IFFO2: variants seen among roughly 807,000 people sequenced by gnomAD.
The protein encoded by IFFO2 is intermediate filament family orphan 2.
Under a neutral mutation model 53.5 loss-of-function variants are expected in IFFO2, and 19 were observed. The observed-to-expected ratio is 0.36, with a 90% CI of 0.25 to 0.52. IFFO2 has a LOEUF of 0.52. IFFO2 is among the 20% of genes least tolerant of loss of function. The pLI, the probability that IFFO2 is intolerant of heterozygous loss-of-function variation, is 0.94. For synonymous variants in IFFO2, 303 were observed against 313.6 expected, an observed-to-expected ratio of 0.97 and a Z score of 0.36; for missense variants, 570 against 727.4, an observed-to-expected ratio of 0.78 and a Z score of 2.49.
intron 1 of IFFO2, among the ~76,000 whole-genome samples, chr1:18,946,852 G>T (rs1936595003): frequency 6.6e-6 from 1 of 152,190 alleles, no homozygotes; most frequent in African/African-American, 2.4e-5. Context: ...TTAAATGTTT[G>T]CAAACCACTT....
At chr1:18,948,916 A>G (rs909568352) in intron 1 of IFFO2, among the ~76,000 whole-genome samples, 1 of 151,968 alleles carries the variant, frequency 6.6e-6, no homozygotes, top group Admixed American at 6.6e-5. Flanking sequence ...TTCTTCCACA[A>G]CCTCCGGACA....
At chr1:18,955,521 G>A in intron 1 of IFFO2, 147 bp downstream of exon 1, 1 of 1,245,494 alleles carries the variant, frequency 8.0e-7, no homozygotes, top group Non-Finnish European at 1.1e-6. Flanking sequence ...GGCCTTCCTG[G>A]CGTACGTAAG....
intron 8 of IFFO2, among the ~76,000 whole-genome samples, 170 bp downstream of exon 8, chr1:18,910,172 G>A (rs1936012748): frequency 1.3e-5 from 2 of 151,286 alleles, no homozygotes; most frequent in Non-Finnish European, 2.9e-5. Context: ...TGGCACATAG[G>A]TGTGCTAATA....
At position 18,916,883 on chromosome 1, in the gene IFFO2, C is replaced by G; in HGVS notation, c.1103+20G>C. On this transcript the variant is annotated intron_variant, in intron 5 of 8. Transcript: ENST00000455833. This position sits in a 1 kb window ranked among gnomAD's most constrained non-coding sequence, Gnocchi z 4.3. ...GCAATCCGGGGAAACGGAGAGTGTG[C>G]GGGCCACGGGGATACTCACAGCTGG... is the stretch of plus-strand genomic sequence containing the variant. The G allele has an allele frequency of 6.4e-7, 1 of 1,550,750 alleles. No homozygotes were observed. Among genetic ancestry groups the G allele is most frequent in the Non-Finnish European group, 8.7e-7 (1 of 1,146,418 alleles).
chr1:18,915,848 G>C (rs1282542412), intron 5 of IFFO2, among the ~76,000 whole-genome samples: 2 of 152,216 alleles, frequency 1.3e-5, no homozygotes, highest in Non-Finnish European at 2.9e-5. Context: ...CCACAGGCTA[G>C]GAACGGTAGC....
chr1:18,946,957 C>T (rs1358567660), intron 1 of IFFO2, among the ~76,000 whole-genome samples: 1 of 152,256 alleles, frequency 6.6e-6, no homozygotes, highest in African/African-American at 2.4e-5. Context: ...TCCGCAAGCA[C>T]TGTTGGAGAA....
chr1:18,951,820 T>A (rs946712613), intron 1 of IFFO2, among the ~76,000 whole-genome samples: 1 of 151,934 alleles, frequency 6.6e-6, no homozygotes, highest in East Asian at 1.9e-4. Flanking sequence ...GGGGCAGAGA[T>A]AGGAGAGGGA....
rs1936193200 is a variant in IFFO2, at chr1:18,919,876, C to T, written c.727-103G>A. On this transcript the variant is annotated intron_variant, in intron 2 of 8. Transcript: ENST00000455833. This position sits in a 1 kb window ranked among gnomAD's most constrained non-coding sequence, Gnocchi z 4.9. The stretch of plus-strand genomic sequence containing the variant: ...AGCCCTAGGCACCCGATGTCCACCC[C>T]AGCTGGGCACCTGCAGCCAGGGAAG... The T allele has an allele frequency of 6.8e-6, 5 of 735,940 alleles. No homozygotes were observed. The highest frequency in any genetic ancestry group is 1.1e-5 in the Non-Finnish European group (5 of 441,286). The allele number at this position is 735,940 out of a possible 1,614,324, so 45.6% of individuals were successfully genotyped here. A position where few individuals can be genotyped will look rare whatever the true frequency, so the allele number is the denominator to read the frequency against.
At position 18,918,887 on chromosome 1, in the gene IFFO2, C is replaced by T. The variant is rs1936174204; in HGVS notation, c.823-385G>A. Among the ~76,000 whole-genome samples, 1 of 152,166 alleles carries T rather than the reference C, an allele frequency of 6.6e-6. No homozygotes were observed. Among genetic ancestry groups the T allele is most frequent in the African/African-American group, 2.4e-5 (1 of 41,424 alleles). ...CTGTCCCCCACACAGGCAGCTCTCTCTCCTGGATGCCTCCCAAGGCCGGCA... is the reference window on the plus strand; with the variant it reads ...CTGTCCCCCACACAGGCAGCTCTCTTTCCTGGATGCCTCCCAAGGCCGGCA... On this transcript the variant is annotated intron_variant, in intron 3 of 8. Coordinates refer to ENST00000455833, the MANE Select transcript of IFFO2 (RefSeq NM_001136265.2). The surrounding 1 kb of genome is among the most constrained non-coding windows in gnomAD (Gnocchi z 5.2).
intron 1 of IFFO2, among the ~76,000 whole-genome samples, chr1:18,929,796 T>C (rs1332219304): frequency 1.3e-5 from 2 of 152,210 alleles, no homozygotes; most frequent in African/African-American, 4.8e-5. Context: ...CTGCCCCAGC[T>C]GGCTCCGTGA....
In IFFO2 at chr1:18,919,178, C is replaced by T. The variant is rs1233040695; in HGVS notation, c.822+500G>A. Among the ~76,000 whole-genome samples the T allele has an allele frequency of 6.6e-6, 1 of 152,168 alleles. No homozygotes were observed. The highest frequency in any genetic ancestry group is 1.5e-5 in the Non-Finnish European group (1 of 68,026). The stretch of plus-strand genomic sequence containing the variant: ...GAGCCCTTTGCTGCCAACAGCTCCC[C>T]CCACCCACAGATACTTAGAGGGGCC... On this transcript the variant is annotated intron_variant, in intron 3 of 8. Transcript: ENST00000455833. The surrounding 1 kb of genome is among the most constrained non-coding windows in gnomAD (Gnocchi z 4.9).
chr1:18,913,701 T>C (rs28671457), intron 5 of IFFO2, among the ~76,000 whole-genome samples: 18,904 of 152,194 alleles, frequency 0.12, 1,822 homozygotes, highest in East Asian at 0.36. Context: ...CTGGTGGAGA[T>C]GTCCATGGGA....
At chr1:18,939,652 A>T (rs1233123154) in intron 1 of IFFO2, among the ~76,000 whole-genome samples, 2 of 152,202 alleles carry the variant, frequency 1.3e-5, no homozygotes, top group Non-Finnish European at 2.9e-5. Context: ...ACAGTCTCTC[A>T]GGAAGTGGAG....
At chr1:18,954,308 C>T (rs992524213) in intron 1 of IFFO2, among the ~76,000 whole-genome samples, 9 of 152,236 alleles carry the variant, frequency 5.9e-5, no homozygotes, top group South Asian at 4.1e-4. Flanking sequence ...GCTGTCTCCT[C>T]GAGCAACTGT....
intron 2 of IFFO2, among the ~76,000 whole-genome samples, chr1:18,920,327 AT>A (rs752090891): frequency 1.3e-5 from 2 of 152,240 alleles, no homozygotes; most frequent in Non-Finnish European, 2.9e-5. Flanking sequence ...AAAGGGAGAT[AT>A]TCAACCTTTT....
intron 1 of IFFO2, among the ~76,000 whole-genome samples, chr1:18,945,166 T>C (rs550645208): frequency 6.6e-6 from 1 of 152,288 alleles, no homozygotes; most frequent in African/African-American, 2.4e-5. Context: ...GAAACCTTTC[T>C]TGACTGGCCC....
intron 1 of IFFO2, among the ~76,000 whole-genome samples, chr1:18,942,892 G>A (rs1936538342): frequency 1.4e-5 from 2 of 146,400 alleles, no homozygotes; most frequent in African/African-American, 2.5e-5. Flanking sequence ...AGGCTGGAGT[G>A]CAGTGGCAAG....
chr1:18,931,269 G>A (rs560598986), intron 1 of IFFO2, among the ~76,000 whole-genome samples: 17 of 152,272 alleles, frequency 1.1e-4, no homozygotes, highest in African/African-American at 3.4e-4. Context: ...CACTGCTTCT[G>A]TCTAGAAACT....
Position 18,918,650 on chromosome 1 carries a change from G to C in IFFO2, c.823-148C>G. ...AGGGTGCCTTGGGCTTTTCCGTGGA[G>C]TGGAGGGCTGCGGCGGCACTGGTCA... On this transcript the variant is annotated intron_variant, in intron 3 of 8. Coordinates refer to ENST00000455833, the MANE Select transcript of IFFO2 (RefSeq NM_001136265.2). The surrounding 1 kb of genome is among the most constrained non-coding windows in gnomAD (Gnocchi z 5.2). 7.1e-6 allele frequency: 5 copies of C among 700,740 alleles called. No homozygotes were observed. The South Asian group carries it at 7.5e-5, about 11-fold the overall frequency. 43.4% of individuals were successfully genotyped at this position (700,740 alleles called of 1,614,324 possible).
Sources: allele counts gnomAD v4.1 joint callset (sites outside exome capture counted in the v4.1 genomes callset), GRCh38; gene constraint gnomAD v4.1.1; non-coding constraint Gnocchi (gnomAD v3.1); transcripts MANE v1.5; gene names NCBI Gene and HGNC (gene_info 2026-07-23, HGNC 2026-07-21).